The following PLEKHH2 variants were observed in gnomAD, a reference collection of about 807,000 sequenced individuals.
The protein encoded by PLEKHH2 is pleckstrin homology domain-containing family H member 2.
A neutral mutation model predicts 187.9 loss-of-function variants in PLEKHH2; 129 were observed. That is an observed-to-expected ratio of 0.69 (90% CI 0.59 to 0.79). PLEKHH2 has a LOEUF of 0.79. Ranked by LOEUF, PLEKHH2 falls within the 30% of genes least tolerant of loss-of-function variation. PLEKHH2 has a pLI of 0.00. For synonymous variants in PLEKHH2, 686 were observed against 605.6 expected, an observed-to-expected ratio of 1.13 and a Z score of -1.95; for missense variants, 2,076 against 1,751.2, an observed-to-expected ratio of 1.19 and a Z score of -3.31.
chr2:43,697,279 C>G lies in PLEKHH2; in HGVS notation c.611C>G (p.Pro204Arg). Residue 204 changes from proline (P) to arginine (R), a missense_variant, in exon 7 of 30, where the codon CCT becomes CGT. By Grantham distance (103) the Pro-to-Arg change is moderately radical. Transcript: ENST00000282406. ...GCFLSRARSP[P>R]QVVKSEEMSK... ...TTTTTATCTCGAGCAAGGAGTCCTC[C>G]TCAAGTAGTAAAATCTGAGGAAATG... is the stretch of plus-strand genomic sequence containing the variant. The G allele has an allele frequency of 6.2e-7, 1 of 1,613,840 alleles. No individual in the cohort carries two copies. Among genetic ancestry groups the G allele is most frequent in the Non-Finnish European group, 8.5e-7 (1 of 1,179,824 alleles).
At chr2:43,744,684 A>G (rs1671702924) in intron 23 of PLEKHH2, among the ~76,000 whole-genome samples, 1 of 151,570 alleles carries the variant, frequency 6.6e-6, no homozygotes, top group Non-Finnish European at 1.5e-5. Flanking sequence ...CCTGGGCAGC[A>G]TGGCAAAAAC....
At chr2:43,669,536 C>CG (rs1667397697) in intron 2 of PLEKHH2, among the ~76,000 whole-genome samples, 1 of 151,692 alleles carries the variant, frequency 6.6e-6, no homozygotes, top group African/African-American at 2.4e-5. Context: ...ATATAAGACA[C>CG]GAATAGCATG....
intron 26 of PLEKHH2, among the ~76,000 whole-genome samples, chr2:43,757,512 C>T (rs753336474): frequency 1.1e-4 from 16 of 151,704 alleles, no homozygotes; most frequent in African/African-American, 2.2e-4. Context: ...CTCCGCCTCC[C>T]GGGTACAGCC....
intron 24 of PLEKHH2, 45 bp downstream of exon 24, chr2:43,746,008 T>C (rs1178995656): frequency 3.9e-6 from 5 of 1,291,232 alleles, no homozygotes; most frequent in Non-Finnish European, 5.4e-6. Flanking sequence ...GTATACAATA[T>C]GTTCTAATAA....
In PLEKHH2 at chr2:43,712,620, T is replaced by C. The variant is rs536688621; in HGVS notation, c.2460+237T>C. Among the ~76,000 whole-genome samples, 47 of 152,326 alleles carry C rather than the reference T, an allele frequency of 3.1e-4. 1 individual carries two copies. The South Asian group carries it at 9.3e-3, about 30-fold the overall frequency. On this transcript the variant is annotated intron_variant, in intron 15 of 29. Transcript: ENST00000282406. ...CTATTAAAAATTCTACGAGCAGAAT[T>C]TTTAAAAGAAGGATTGAAAAACTTT...
In PLEKHH2 at chr2:43,758,969, C is replaced by T. The variant is rs779901432; in HGVS notation, c.4011C>T (p.Arg1337=). The change falls in exon 27 of 30, where the codon CGC becomes CGT. Residue 1337 remains arginine (R), a synonymous_variant. Coordinates refer to ENST00000282406, the MANE Select transcript of PLEKHH2 (RefSeq NM_172069.4). ...LRGHSAADCV[R]IYLTVARKWP... ...GACACAGTGCTGCTGACTGTGTGCG[C>T]ATTTATTTGACAGTAGCCAGGAAGT... 20 of 1,612,474 alleles carry T rather than the reference C, an allele frequency of 1.2e-5. No homozygotes were observed. In the African/African-American group the frequency reaches 2.0e-4, roughly 16 times the overall value.
chr2:43,720,033 GA>G (rs1670407688), intron 15 of PLEKHH2, among the ~76,000 whole-genome samples: 1 of 152,154 alleles, frequency 6.6e-6, no homozygotes, highest in South Asian at 2.1e-4. Flanking sequence ...GGTACAAGTG[GA>G]ATTCTATTAC....
chr2:43,738,808 T>C (rs548789950), intron 20 of PLEKHH2, among the ~76,000 whole-genome samples: 37 of 152,324 alleles, frequency 2.4e-4, no homozygotes, highest in Admixed American at 2.0e-3. Context: ...TCCTTAGACA[T>C]TCTTCAAAAC....
Position 43,678,948 on chromosome 2 carries a change from A to C in PLEKHH2, c.186+23A>C, listed in dbSNP as rs752971793. The C allele has an allele frequency of 1.0e-5, 16 of 1,568,150 alleles. No individual in the cohort carries two copies. In the South Asian group the frequency reaches 1.8e-4, roughly 18 times the overall value. The stretch of plus-strand genomic sequence containing the variant: ...CAGGTAGAGTATAATTTTACTTTAA[A>C]TTTTTTTTGCCTGTACTACTCACAT... On this transcript the variant is annotated intron_variant, in intron 3 of 29. Coordinates refer to ENST00000282406, the MANE Select transcript of PLEKHH2 (RefSeq NM_172069.4).
At chr2:43,705,107 C>A (rs1048840994) in intron 9 of PLEKHH2, among the ~76,000 whole-genome samples, 2 of 152,060 alleles carry the variant, frequency 1.3e-5, no homozygotes, top group African/African-American at 4.8e-5. Flanking sequence ...ACAACAAGAA[C>A]TGTCTGGAAT....
At chr2:43,656,460 GAAGA>G (rs1666766782) in intron 2 of PLEKHH2, among the ~76,000 whole-genome samples, 1 of 25,770 alleles carries the variant, frequency 3.9e-5, no homozygotes, top group African/African-American at 1.9e-4. Context: ...GAGAAGATAT[GAAGA>G]TATTCCTAGA....
At chr2:43,747,726 C>T (rs1020587258) in intron 24 of PLEKHH2, among the ~76,000 whole-genome samples, 2 of 152,082 alleles carry the variant, frequency 1.3e-5, no homozygotes, top group Non-Finnish European at 2.9e-5. Flanking sequence ...GAGTCTTATA[C>T]CCTGTAAATT....
At chr2:43,677,837 C>A (rs1360145590) in intron 2 of PLEKHH2, among the ~76,000 whole-genome samples, 3 of 149,238 alleles carry the variant, frequency 2.0e-5, no homozygotes, top group Non-Finnish European at 3.0e-5. Flanking sequence ...GCTGACCCCC[C>A]CCCACCTCCC....
Position 43,764,266 on chromosome 2 carries a change from C to T in PLEKHH2, c.4197C>T (p.Thr1399=). The part of the protein sequence containing the change: ...IVSYVYKSLM[T]FGGYQDDFMV... ...GCTATGTGTACAAGAGTCTAATGAC[C>T]TTTGGAGGCTATCAAGATGATTTTA... Residue 1399 remains threonine (T), a synonymous_variant, in exon 29 of 30, where the codon ACC becomes ACT. Transcript: ENST00000282406. The T allele has an allele frequency of 6.3e-7, 1 of 1,578,740 alleles. No homozygotes were observed.
At chr2:43,669,853 T>A (rs1057216808) in intron 2 of PLEKHH2, among the ~76,000 whole-genome samples, 4 of 151,020 alleles carry the variant, frequency 2.6e-5, no homozygotes, top group Non-Finnish European at 5.9e-5. Context: ...AACATCAAAA[T>A]GAGGAAAGAT....
intron 24 of PLEKHH2, among the ~76,000 whole-genome samples, chr2:43,752,755 C>T (rs898287205): frequency 1.3e-5 from 2 of 152,042 alleles, no homozygotes; most frequent in Admixed American, 6.6e-5. Flanking sequence ...GAAGTCAGAG[C>T]CCCACAAATC....
In PLEKHH2 at chr2:43,722,268, A is replaced by G. The variant is rs981640629; in HGVS notation, c.2541+1519A>G. Among the ~76,000 whole-genome samples, 17 of 152,054 alleles carry G rather than the reference A, an allele frequency of 1.1e-4. No homozygotes were observed. The South Asian group carries it at 3.5e-3, about 32-fold the overall frequency. On this transcript the variant is annotated intron_variant, in intron 16 of 29. Transcript: ENST00000282406. The stretch of plus-strand genomic sequence containing the variant: ...GAGACCCTATCTCAAAAAAAAAAAA[A>G]AAAATGTTAATATAGAATTGTGGAC...
In PLEKHH2 at chr2:43,738,415, T is replaced by C. The variant is rs1671401542; in HGVS notation, c.3018T>C (p.Ala1006=). 6.8e-6 allele frequency: 11 copies of C among 1,614,086 alleles called. No homozygotes were observed. Among genetic ancestry groups the C allele is most frequent in the Non-Finnish European group, 8.5e-6 (10 of 1,179,950 alleles). ...IDYHISLAQS[A]LQICLTHPEL... Reference sequence around the variant, plus strand: ...ACCACATATCTTTAGCCCAGAGTGCTTTGCAAATCTGCCTGACACATCCTG... The same window carrying C: ...ACCACATATCTTTAGCCCAGAGTGCCTTGCAAATCTGCCTGACACATCCTG... The change falls in exon 20 of 30, where the codon GCT becomes GCC. Residue 1006 remains alanine (A), a synonymous_variant. Transcript: ENST00000282406.
intron 27 of PLEKHH2, among the ~76,000 whole-genome samples, chr2:43,759,475 C>T (rs1485948284): frequency 6.6e-6 from 1 of 152,228 alleles, no homozygotes; most frequent in African/African-American, 2.4e-5. Flanking sequence ...TATAAACAAA[C>T]CACTGTATGG....
Sources: allele counts gnomAD v4.1 joint callset (sites outside exome capture counted in the v4.1 genomes callset), GRCh38; gene constraint gnomAD v4.1.1; transcripts MANE v1.5; gene names NCBI Gene and HGNC (gene_info 2026-07-23, HGNC 2026-07-21).